OVAAL: variants seen among roughly 807,000 people sequenced by gnomAD.
OVAAL encodes the protein ovarian adenocarcinoma amplified long non-coding RNA, also known as long intergenic non-protein coding RNA 1131.
chr1:180,561,083 G>A (rs2102144701), intron 1 of OVAAL, among the ~76,000 whole-genome samples: 1 of 152,204 alleles, frequency 6.6e-6, no homozygotes, highest in East Asian at 1.9e-4. Flanking sequence ...GCACAAAAAG[G>A]CTATCAGGAA....
At chr1:180,562,219 A>T (rs2102145275) in exon 2 of OVAAL, 1 of 152,554 alleles carries the variant, frequency 6.6e-6, no homozygotes, top group African/African-American at 2.4e-5. Context: ...AGCTGTATGG[A>T]GGCCAATATG....
chr1:180,561,047 C>T (rs925388369), intron 1 of OVAAL, among the ~76,000 whole-genome samples: 3 of 151,984 alleles, frequency 2.0e-5, no homozygotes, highest in Non-Finnish European at 4.4e-5. Context: ...ATTCCAGGCT[C>T]AGTGAATTAG....
At chr1:180,563,362 G>A (rs1450390262) in intron 2 of OVAAL, among the ~76,000 whole-genome samples, 1 of 152,214 alleles carries the variant, frequency 6.6e-6, no homozygotes, top group Non-Finnish European at 1.5e-5. Flanking sequence ...TTGGGTCACT[G>A]TGAATGGAAT....
exon 3 of OVAAL, chr1:180,565,852 A>G (rs1444764197): frequency 6.6e-6 from 1 of 152,214 alleles, no homozygotes; most frequent in Non-Finnish European, 1.5e-5. Context: ...AGTGGGACAG[A>G]AATACTCAAG....
chr1:180,565,028 A>G (rs895889723), intron 2 of OVAAL, among the ~76,000 whole-genome samples: 5 of 152,152 alleles, frequency 3.3e-5, no homozygotes, highest in South Asian at 2.1e-4. Context: ...TGGACATTTT[A>G]TAGCCCAGAA....
At chr1:180,564,934 ACCATTGTCCTATGC>A (rs1452534092) in intron 2 of OVAAL, among the ~76,000 whole-genome samples, 1 of 151,996 alleles carries the variant, frequency 6.6e-6, no homozygotes, top group Non-Finnish European at 1.5e-5. Context: ...TCTAATGAGA[ACCATTGTCCTATGC>A]CCTCGCTCTG....
At chr1:180,559,933 A>G (rs960742107) in intron 1 of OVAAL, among the ~76,000 whole-genome samples, 1 of 151,782 alleles carries the variant, frequency 6.6e-6, no homozygotes, top group Non-Finnish European at 1.5e-5. Context: ...AATGACTGAA[A>G]CTATAGCCAC....
At chr1:180,561,618 G>A (rs1653206031) in intron 1 of OVAAL, among the ~76,000 whole-genome samples, 1 of 152,226 alleles carries the variant, frequency 6.6e-6, no homozygotes, top group Non-Finnish European at 1.5e-5. Context: ...GTGAGAAGCT[G>A]TAGGTGCCCC....
At chr1:180,562,633 A>C (rs1311360254) in intron 2 of OVAAL, among the ~76,000 whole-genome samples, 1 of 152,204 alleles carries the variant, frequency 6.6e-6, no homozygotes, top group African/African-American at 2.4e-5. Context: ...TGATCAAAGC[A>C]AGGAGACAAA....
At chr1:180,559,793 C>A (rs1337885879) in intron 1 of OVAAL, among the ~76,000 whole-genome samples, 1 of 151,810 alleles carries the variant, frequency 6.6e-6, no homozygotes, top group Non-Finnish European at 1.5e-5. Context: ...GTAATCCCAG[C>A]TACTCAGGAG....
At chr1:180,562,463 C>T (rs1227440653) in intron 2 of OVAAL, 2 of 152,124 alleles carry the variant, frequency 1.3e-5, no homozygotes, top group African/African-American at 4.8e-5. Context: ...TCAGGTATAA[C>T]GTCCTGAGGG....
At chr1:180,566,252 C>T (rs903385556) in exon 3 of OVAAL, 3 of 152,184 alleles carry the variant, frequency 2.0e-5, no homozygotes, top group African/African-American at 7.2e-5. Context: ...TCTTCAGTGC[C>T]CAGAGGCGGC....
intron 1 of OVAAL, among the ~76,000 whole-genome samples, chr1:180,559,548 A>G (rs538035169): frequency 4.1e-4 from 62 of 152,332 alleles, no homozygotes; most frequent in African/African-American, 1.4e-3. Flanking sequence ...TGTTAAAAGC[A>G]TTCCATTTTA....
chr1:180,559,401 G>T (rs915053099), intron 1 of OVAAL, among the ~76,000 whole-genome samples: 6 of 152,170 alleles, frequency 3.9e-5, no homozygotes, highest in Admixed American at 6.6e-5. Context: ...CACTTGTTAT[G>T]TTTTAGCAAA....
At chr1:180,564,338 GAC>G (rs1459644077) in intron 2 of OVAAL, among the ~76,000 whole-genome samples, 1 of 152,068 alleles carries the variant, frequency 6.6e-6, no homozygotes, top group African/African-American at 2.4e-5. Context: ...TATTTCATAA[GAC>G]ATACTAAAAA....
chr1:180,560,534 A>G (rs1313486996), intron 1 of OVAAL, among the ~76,000 whole-genome samples: 1 of 152,220 alleles, frequency 6.6e-6, no homozygotes, highest in Non-Finnish European at 1.5e-5. Context: ...GATACCTGGC[A>G]TTTGGATTTT....
At chr1:180,560,683 C>T (rs924344250) in intron 1 of OVAAL, among the ~76,000 whole-genome samples, 7 of 152,142 alleles carry the variant, frequency 4.6e-5, no homozygotes, top group African/African-American at 1.7e-4. Flanking sequence ...CCTTTACTGG[C>T]TAAGTTAGCA....
intron 2 of OVAAL, among the ~76,000 whole-genome samples, chr1:180,564,720 T>A (rs1408696278): frequency 6.6e-6 from 1 of 152,134 alleles, no homozygotes; most frequent in Non-Finnish European, 1.5e-5. Flanking sequence ...GCTTAGTAGA[T>A]AAGCATCTTC....
intron 2 of OVAAL, among the ~76,000 whole-genome samples, chr1:180,563,872 G>T (rs1297697667): frequency 6.6e-6 from 1 of 152,068 alleles, no homozygotes; most frequent in Non-Finnish European, 1.5e-5. Flanking sequence ...TCTATAGGGA[G>T]ACTGCCTTTC....
Sources: allele counts gnomAD v4.1 joint callset (sites outside exome capture counted in the v4.1 genomes callset), GRCh38; gene constraint gnomAD v4.1.1; transcripts MANE v1.5; gene names NCBI Gene and HGNC (gene_info 2026-07-23, HGNC 2026-07-21).